Variants in ZNF184 observed in about 807,000 individuals in gnomAD.
ZNF184 encodes zinc finger protein 184, also known as zinc finger protein 184 (Kruppel-like).
ZNF184 carries 16 observed loss-of-function variants against 54.4 expected under a neutral mutation model. The observed-to-expected ratio is 0.29, with a 90% CI of 0.20 to 0.45. ZNF184 has a LOEUF of 0.45. ZNF184 is among the 20% of genes least tolerant of loss of function. ZNF184 has a pLI of 1.00. For synonymous variants in ZNF184, 254 were observed against 295.3 expected, an observed-to-expected ratio of 0.86 and a Z score of 1.43; for missense variants, 681 against 888.2, an observed-to-expected ratio of 0.77 and a Z score of 2.97.
chr6:27,431,884 C>G, the ZNF184 span, among the ~76,000 whole-genome samples: 3 of 152,184 alleles, frequency 2.0e-5, no homozygotes, highest in African/African-American at 7.2e-5. Flanking sequence ...GATGTCAAGA[C>G]TGATGACTCC....
At chr6:27,411,991 C>A in the ZNF184 span, among the ~76,000 whole-genome samples, 2 of 152,190 alleles carry the variant, frequency 1.3e-5, no homozygotes, top group Non-Finnish European at 2.9e-5. Flanking sequence ...ACTCTCTGGA[C>A]GTGCTCCTGG....
At chr6:27,422,562 T>C in the ZNF184 span, among the ~76,000 whole-genome samples, 1 of 152,150 alleles carries the variant, frequency 6.6e-6, no homozygotes, top group South Asian at 2.1e-4. Context: ...ACCTTAATCC[T>C]AATCTTCCCT....
At position 27,472,247 on chromosome 6, in the gene ZNF184, A is replaced by G. The variant is rs1192881614; in HGVS notation, c.7+41T>C. 4.3e-6 allele frequency: 7 copies of G among 1,612,974 alleles called. No homozygotes were observed. The highest frequency in any genetic ancestry group is 5.9e-6 in the Non-Finnish European group (7 of 1,179,332). On this transcript the variant is annotated intron_variant, in intron 2 of 5. Coordinates refer to ENST00000683788, the MANE Select transcript of ZNF184 (RefSeq NM_001318891.2). The surrounding 1 kb of genome is among the most constrained non-coding windows in gnomAD (Gnocchi z 4.8). The stretch of plus-strand genomic sequence containing the variant: ...GATACTCCAGTCATGACTGTTCTCA[A>G]GCCTCCATCACCCCGCTCTCCCCCA...
At chr6:27,438,275 T>C in the ZNF184 span, among the ~76,000 whole-genome samples, 2 of 152,208 alleles carry the variant, frequency 1.3e-5, no homozygotes, top group Non-Finnish European at 2.9e-5. Flanking sequence ...GATTGTGAAG[T>C]CTTGAGAACT....
chr6:27,423,458 TGTGA>T, the ZNF184 span, among the ~76,000 whole-genome samples: 1 of 152,184 alleles, frequency 6.6e-6, no homozygotes, highest in Non-Finnish European at 1.5e-5. Flanking sequence ...ATTTGTGGGC[TGTGA>T]GTTTGAAGAA....
the ZNF184 span, among the ~76,000 whole-genome samples, chr6:27,412,152 G>A: frequency 6.6e-6 from 1 of 152,202 alleles, no homozygotes; most frequent in African/African-American, 2.4e-5. Context: ...TTTAAAATAA[G>A]ATCAGCCAAG....
the ZNF184 span, among the ~76,000 whole-genome samples, chr6:27,436,762 C>T: frequency 6.6e-6 from 1 of 152,176 alleles, no homozygotes; most frequent in Non-Finnish European, 1.5e-5. Flanking sequence ...AGAATGTAAG[C>T]TCCTTGGAGA....
intron 3 of ZNF184, among the ~76,000 whole-genome samples, 173 bp from the exon 4 acceptor site, chr6:27,457,582 G>C (rs1044085138): frequency 6.6e-6 from 1 of 152,134 alleles, no homozygotes; most frequent in Non-Finnish European, 1.5e-5. Flanking sequence ...GGGTTATTGT[G>C]AGAATTAAAT....
chr6:27,422,458 T>C, the ZNF184 span, among the ~76,000 whole-genome samples: 3 of 152,086 alleles, frequency 2.0e-5, no homozygotes, highest in East Asian at 5.8e-4. Context: ...CTTTCTGTAA[T>C]CCATATCCTT....
chr6:27,408,033 G>A, the ZNF184 span: 2 of 951,120 alleles, frequency 2.1e-6, no homozygotes, highest in Non-Finnish European at 1.7e-6. Context: ...ATGCAAATGT[G>A]ACCTGGGATA....
chr6:27,458,800 G>A (rs1246508620), intron 3 of ZNF184, among the ~76,000 whole-genome samples: 1 of 152,104 alleles, frequency 6.6e-6, no homozygotes, highest in Admixed American at 6.6e-5. Context: ...TGGCTTTACT[G>A]ACAACAGCTA....
In ZNF184 at chr6:27,453,231, A is replaced by C; in HGVS notation, c.328T>G (p.Ser110Ala). 1 of 1,605,966 alleles carries C rather than the reference A, an allele frequency of 6.2e-7. No individual in the cohort carries two copies. Among genetic ancestry groups the C allele is most frequent in the Non-Finnish European group, 8.5e-7 (1 of 1,177,244 alleles). ...DWETRLENSV[S>A]APEPDISEEE... ...TCAGAAATGTCAGGCTCTGGGGCTG[A>C]CACACTATTTTCAAGTCTTGTCTCC... is the stretch of plus-strand genomic sequence containing the variant. The change falls in exon 6 of 6, where the codon TCA (serine) becomes GCA (alanine). Residue 110 changes from serine to alanine, a missense_variant. Coordinates refer to ENST00000683788, the MANE Select transcript of ZNF184 (RefSeq NM_001318891.2). The surrounding 1 kb of genome is among the most constrained non-coding windows in gnomAD (Gnocchi z 4.7).
the ZNF184 span, chr6:27,406,056 A>T: frequency 1.3e-5 from 2 of 152,366 alleles, no homozygotes; most frequent in Non-Finnish European, 2.9e-5. Flanking sequence ...AGAGGTTAAC[A>T]TAACATCATT....
chr6:27,452,123 C>A lies in ZNF184; in HGVS notation c.1436G>T (p.Cys479Phe), dbSNP rs200684090. Residue 479 changes from cysteine (C) to phenylalanine (F), a missense_variant, in exon 6 of 6, where the codon TGT becomes TTT. Transcript: ENST00000683788. The surrounding 1 kb of genome is among the most constrained non-coding windows in gnomAD (Gnocchi z 5.5). Reference protein sequence around the residue: ...TGEKPYKCNECGKAFSYCSSL... With the variant: ...TGEKPYKCNEFGKAFSYCSSL... Reference sequence around the variant, plus strand: ...TGAGCAGTAACTGAAGGCCTTTCCACATTCATTGCATTTGTAAGGTTTTTC... The same window carrying A: ...TGAGCAGTAACTGAAGGCCTTTCCAAATTCATTGCATTTGTAAGGTTTTTC... The A allele has an allele frequency of 3.7e-6, 6 of 1,613,980 alleles. No homozygotes were observed. The highest frequency in any genetic ancestry group is 8.5e-7 in the Non-Finnish European group (1 of 1,179,994).
intron 4 of ZNF184, 152 bp downstream of exon 4, chr6:27,457,131 T>A (rs910731942): frequency 2.9e-5 from 33 of 1,132,092 alleles, no homozygotes; most frequent in Non-Finnish European, 3.9e-5. Flanking sequence ...TATTATTTTG[T>A]CCCTCTGCTT....
Position 27,452,231 on chromosome 6 carries a change from T to C in ZNF184, c.1328A>G (p.Glu443Gly). The C allele has an allele frequency of 2.5e-6, 4 of 1,614,140 alleles. No individual in the cohort carries two copies. Among genetic ancestry groups the C allele is most frequent in the Non-Finnish European group, 3.4e-6 (4 of 1,180,004 alleles). Residue 443 changes from glutamate (E) to glycine (G), a missense_variant, in exon 6 of 6, where the codon GAG becomes GGG. Physicochemically the swap from Glu to Gly is moderately conservative, Grantham distance 98 (BLOSUM62 -2). Coordinates refer to ENST00000683788, the MANE Select transcript of ZNF184 (RefSeq NM_001318891.2). The surrounding 1 kb of genome is among the most constrained non-coding windows in gnomAD (Gnocchi z 5.5). ...ACATTCTGCACAATCATAGGGTTTC[T>C]CCCCAGTATGAGTTTTTTGATGCTG... ...LTQHQKTHTG[E>G]KPYDCAECGK...
Position 27,452,512 on chromosome 6 carries a change from A to C in ZNF184, c.1047T>G (p.Phe349Leu). The C allele has an allele frequency of 6.2e-7, 1 of 1,614,136 alleles. No individual in the cohort carries two copies. Among genetic ancestry groups the C allele is most frequent in the South Asian group, 1.1e-5 (1 of 91,076 alleles). ...CGKAFSQRGH[F>L]MEHQKIHTGE... ...CCGTATGAATTTTCTGATGTTCCAT[A>C]AAGTGGCCTCTCTGGCTAAAGGCTT... Residue 349 changes from phenylalanine (F) to leucine (L), a missense_variant, in exon 6 of 6, where the codon TTT (phenylalanine) becomes TTG (leucine). Phe to Leu is a conservative substitution (Grantham distance 22). Coordinates refer to ENST00000683788, the MANE Select transcript of ZNF184 (RefSeq NM_001318891.2). This position sits in a 1 kb window ranked among gnomAD's most constrained non-coding sequence, Gnocchi z 5.5.
At position 27,452,399 on chromosome 6, in the gene ZNF184, T is replaced by G; in HGVS notation, c.1160A>C (p.Glu387Ala). ...ACATTCATTACATTTATAGGTTTTT[T>G]CTCCAGTATGAATTTTTTGATGTTG... Reference protein sequence around the residue: ...LTQHQKIHTGEKTYKCNECGK... With the variant: ...LTQHQKIHTGAKTYKCNECGK... The change falls in exon 6 of 6, where the codon GAA (glutamate) becomes GCA (alanine). Residue 387 changes from glutamate to alanine, a missense_variant. Coordinates refer to ENST00000683788, the MANE Select transcript of ZNF184 (RefSeq NM_001318891.2). This position sits in a 1 kb window ranked among gnomAD's most constrained non-coding sequence, Gnocchi z 5.5. 6.2e-7 allele frequency: 1 copy of G among 1,614,062 alleles called. No homozygotes were observed. The highest frequency in any genetic ancestry group is 8.5e-7 in the Non-Finnish European group (1 of 1,179,998).
chr6:27,453,152 C>G lies in ZNF184; in HGVS notation c.407G>C (p.Trp136Ser), dbSNP rs773588856. The G allele has an allele frequency of 1.9e-6, 3 of 1,614,050 alleles. No homozygotes were observed. The highest frequency in any genetic ancestry group is 2.5e-6 in the Non-Finnish European group (3 of 1,180,002). The stretch of plus-strand genomic sequence containing the variant: ...CCAACTTTCTAGCAAGTTGGAACTC[C>G]AAGAATCATCTCTTTTGTGTTTTTC... ...IVEKHKRDDS[W>S]SSNLLESWEY... Residue 136 changes from tryptophan (W) to serine (S), a missense_variant, in exon 6 of 6, where the codon TGG becomes TCG. Transcript: ENST00000683788. This position sits in a 1 kb window ranked among gnomAD's most constrained non-coding sequence, Gnocchi z 4.7.
Sources: allele counts gnomAD v4.1 joint callset (sites outside exome capture counted in the v4.1 genomes callset), GRCh38; gene constraint gnomAD v4.1.1; non-coding constraint Gnocchi (gnomAD v3.1); transcripts MANE v1.5; gene names NCBI Gene and HGNC (gene_info 2026-07-23, HGNC 2026-07-21).